SDK1: variants seen among roughly 807,000 people sequenced by gnomAD.
SDK1 encodes sidekick cell adhesion molecule 1.
In SDK1, 157 loss-of-function variants were observed where a neutral mutation model predicts 245.5. That is an observed-to-expected ratio of 0.64 (90% CI 0.56 to 0.73). SDK1 has a LOEUF of 0.73. Among genes scored for constraint, SDK1 ranks in the 30% least tolerant of loss-of-function variants. The probability of loss-of-function intolerance (pLI) is 0.00; values close to 1 mark genes in which losing one functional copy is unlikely to be tolerated. For synonymous variants in SDK1, 1,647 were observed against 1,278.5 expected, an observed-to-expected ratio of 1.29 and a Z score of -6.15; for missense variants, 3,583 against 3,002.3, an observed-to-expected ratio of 1.19 and a Z score of -4.52.
At chr7:3,880,824 T>G (rs1045253317) in intron 5 of SDK1, among the ~76,000 whole-genome samples, 4 of 152,112 alleles carry the variant, frequency 2.6e-5, no homozygotes, top group African/African-American at 9.7e-5. Flanking sequence ...GGTTATGAAC[T>G]GTGATCTGAC....
chr7:3,850,845 C>G (rs1299504539), intron 5 of SDK1, among the ~76,000 whole-genome samples: 1 of 138,782 alleles, frequency 7.2e-6, no homozygotes, highest in Non-Finnish European at 1.5e-5. Context: ...ACATCACACA[C>G]CGGGGCCTGT....
At position 3,580,616 on chromosome 7, in the gene SDK1, T is replaced by TA. The variant is rs540807630; in HGVS notation, c.299-38457dup. On this transcript the variant is annotated intron_variant, in intron 1 of 44. Transcript: ENST00000404826. ...ATGCAGGGGATTTTTTTACACCATG[T>TA]AAAAAAATCAACTCAAGATGGATTA... 4.6e-5 allele frequency among the ~76,000 whole-genome samples: 7 copies of TA among 151,980 alleles called. No homozygotes were observed. In the South Asian group the frequency reaches 1.5e-3, roughly 32 times the overall value.
intron 1 of SDK1, among the ~76,000 whole-genome samples, chr7:3,484,942 G>C (rs957302636): frequency 1.7e-4 from 26 of 152,288 alleles, no homozygotes; most frequent in African/African-American, 6.0e-4. Context: ...TGGCTATTGT[G>C]AATGGAGCTG....
At chr7:3,702,459 A>G (rs1784766882) in intron 4 of SDK1, among the ~76,000 whole-genome samples, 2 of 152,138 alleles carry the variant, frequency 1.3e-5, no homozygotes, top group African/African-American at 4.8e-5. Flanking sequence ...TGGACTTTCC[A>G]TACTGGACAT....
chr7:3,798,777 C>T (rs1779032033), intron 4 of SDK1, among the ~76,000 whole-genome samples: 1 of 152,158 alleles, frequency 6.6e-6, no homozygotes, highest in Admixed American at 6.5e-5. Context: ...AAGCCCCCTC[C>T]TACTAGAAGG....
At chr7:3,772,569 A>G (rs1780434417) in intron 4 of SDK1, among the ~76,000 whole-genome samples, 1 of 152,238 alleles carries the variant, frequency 6.6e-6, no homozygotes, top group Non-Finnish European at 1.5e-5. Context: ...TAAAAAAAGT[A>G]TTAGCATCTT....
intron 28 of SDK1, among the ~76,000 whole-genome samples, chr7:4,142,533 T>G (rs1182817211): frequency 1.3e-5 from 2 of 152,210 alleles, no homozygotes; most frequent in Non-Finnish European, 2.9e-5. Context: ...TTCACCATTT[T>G]GGTCAGGCTG....
intron 5 of SDK1, among the ~76,000 whole-genome samples, chr7:3,937,121 C>T (rs934912680): frequency 4.6e-5 from 7 of 152,104 alleles, no homozygotes; most frequent in Non-Finnish European, 5.9e-5. Context: ...AAGACTGCAC[C>T]GAGATCTGGA....
At chr7:3,942,115 C>T (rs1462404362) in intron 5 of SDK1, among the ~76,000 whole-genome samples, 4 of 152,092 alleles carry the variant, frequency 2.6e-5, no homozygotes, top group African/African-American at 9.7e-5. Flanking sequence ...ACCGTGTTAG[C>T]TAGGATGGTC....
intron 1 of SDK1, chr7:3,302,096 T>G (rs1779284591): frequency 4.0e-6 from 1 of 252,372 alleles, no homozygotes; most frequent in Non-Finnish European, 6.7e-6. Flanking sequence ...CGTCTGCTAC[T>G]TTGCGTTTTA....
intron 1 of SDK1, among the ~76,000 whole-genome samples, chr7:3,568,939 A>G (rs561184177): frequency 6.6e-6 from 1 of 151,996 alleles, no homozygotes; most frequent in African/African-American, 2.4e-5. Context: ...TTTATTTACT[A>G]TGCAAATAAA....
At chr7:3,562,775 G>T (rs535346476) in intron 1 of SDK1, among the ~76,000 whole-genome samples, 3 of 152,112 alleles carry the variant, frequency 2.0e-5, no homozygotes, top group African/African-American at 7.2e-5. Flanking sequence ...CAGCCCAATT[G>T]TCACTCACAC....
intron 4 of SDK1, among the ~76,000 whole-genome samples, chr7:3,651,040 T>G (rs2128655784): frequency 6.6e-6 from 1 of 152,190 alleles, no homozygotes; most frequent in African/African-American, 2.4e-5. Context: ...CTTTTTTCTG[T>G]GCATGAACAT....
At chr7:3,556,230 A>G (rs1583162114) in intron 1 of SDK1, among the ~76,000 whole-genome samples, 1 of 152,288 alleles carries the variant, frequency 6.6e-6, no homozygotes, top group Non-Finnish European at 1.5e-5. Flanking sequence ...GAGTATATTC[A>G]GCCATAAAGA....
intron 17 of SDK1, among the ~76,000 whole-genome samples, chr7:4,032,595 C>G (rs1787901730): frequency 6.7e-6 from 1 of 148,440 alleles, no homozygotes; most frequent in South Asian, 2.1e-4. Context: ...TATCTGGAAA[C>G]TACTATGAGC....
At chr7:3,887,174 C>T (rs542251265) in intron 5 of SDK1, among the ~76,000 whole-genome samples, 1 of 152,220 alleles carries the variant, frequency 6.6e-6, no homozygotes, top group Non-Finnish European at 1.5e-5. Flanking sequence ...ACTCAGGGGT[C>T]CAGGCTGCTT....
chr7:3,788,015 G>A (rs1403629106), intron 4 of SDK1, among the ~76,000 whole-genome samples: 1 of 152,164 alleles, frequency 6.6e-6, no homozygotes, highest in Non-Finnish European at 1.5e-5. Flanking sequence ...GCAGGCTCTT[G>A]GAAGTGACTC....
intron 4 of SDK1, among the ~76,000 whole-genome samples, chr7:3,755,187 G>A (rs1030412069): frequency 1.8e-4 from 28 of 152,180 alleles, no homozygotes; most frequent in African/African-American, 6.0e-4. Flanking sequence ...GAGGCTGTTG[G>A]CCTGGGGAAG....
At chr7:3,521,464 A>G (rs1048797438) in intron 1 of SDK1, among the ~76,000 whole-genome samples, 2 of 152,184 alleles carry the variant, frequency 1.3e-5, no homozygotes, top group Non-Finnish European at 2.9e-5. Flanking sequence ...GTTTAGCACT[A>G]CAGTGGATAC....
Sources: allele counts gnomAD v4.1 joint callset (sites outside exome capture counted in the v4.1 genomes callset), GRCh38; gene constraint gnomAD v4.1.1; transcripts MANE v1.5; gene names NCBI Gene and HGNC (gene_info 2026-07-23, HGNC 2026-07-21).